The following SDC1 variants were observed in gnomAD, a reference collection of about 807,000 sequenced individuals.
SDC1 encodes the protein syndecan-1.
Under a neutral mutation model 29.7 loss-of-function variants are expected in SDC1, and 14 were observed. That is an observed-to-expected ratio of 0.47 (90% CI 0.31 to 0.74). SDC1 has a LOEUF of 0.74. Ranked by LOEUF, SDC1 falls within the 30% of genes least tolerant of loss-of-function variation. The probability of loss-of-function intolerance (pLI) is 0.05; values close to 1 mark genes in which losing one functional copy is unlikely to be tolerated. For synonymous variants in SDC1, 204 were observed against 175.5 expected, an observed-to-expected ratio of 1.16 and a Z score of -1.29; for missense variants, 406 against 400.3, an observed-to-expected ratio of 1.01 and a Z score of -0.12.
intron 1 of SDC1, among the ~76,000 whole-genome samples, chr2:20,210,434 A>G (rs1020565854): frequency 6.6e-6 from 1 of 152,198 alleles, no homozygotes; most frequent in African/African-American, 2.4e-5. Context: ...GCTGAAGTAC[A>G]GAGGGCTTCC....
At position 20,203,332 on chromosome 2, in the gene SDC1, C is replaced by T. The variant is rs577701619; in HGVS notation, c.628-110G>A. 49 of 1,313,808 alleles carry T rather than the reference C, an allele frequency of 3.7e-5. No individual in the cohort carries two copies. The South Asian group carries it at 7.6e-4, about 20-fold the overall frequency. The allele number at this position is 1,313,808 out of a possible 1,614,324, so 81.4% of individuals were successfully genotyped here. A position where few individuals can be genotyped will look rare whatever the true frequency, so the allele number is the denominator to read the frequency against. On this transcript the variant is annotated intron_variant, in intron 3 of 4. Coordinates refer to ENST00000254351, the MANE Select transcript of SDC1 (RefSeq NM_002997.5). ...CCTGCCTCCCTGATCTTTGCCACCACCCACTCAGATGCACCCAAACCAGGA... is the reference window on the plus strand; with the variant it reads ...CCTGCCTCCCTGATCTTTGCCACCATCCACTCAGATGCACCCAAACCAGGA...
At chr2:20,214,353 CAG>C (rs1677568292) in intron 1 of SDC1, among the ~76,000 whole-genome samples, 1 of 152,080 alleles carries the variant, frequency 6.6e-6, no homozygotes, top group South Asian at 2.1e-4. Flanking sequence ...CACGGGAAGG[CAG>C]AGTGTCCCTG....
chr2:20,210,099 C>T (rs916517320), intron 1 of SDC1, among the ~76,000 whole-genome samples: 14 of 152,314 alleles, frequency 9.2e-5, no homozygotes, highest in Middle Eastern at 3.4e-3. Flanking sequence ...CCCAGCACTT[C>T]GGGAGGCCGA....
At chr2:20,203,027 C>T in intron 4 of SDC1, 60 bp downstream of exon 4, 1 of 1,568,560 alleles carries the variant, frequency 6.4e-7, no homozygotes, top group Non-Finnish European at 8.7e-7. Flanking sequence ...CTGTGGTCAG[C>T]CCCACCCTGA....
At chr2:20,219,509 AC>A (rs1178111718) in intron 1 of SDC1, among the ~76,000 whole-genome samples, 1 of 152,130 alleles carries the variant, frequency 6.6e-6, no homozygotes, top group African/African-American at 2.4e-5. Flanking sequence ...TGCACCCCAA[AC>A]ATACCTCCTT....
chr2:20,211,698 T>C (rs1039161669), intron 1 of SDC1, among the ~76,000 whole-genome samples: 1 of 152,230 alleles, frequency 6.6e-6, no homozygotes, highest in Non-Finnish European at 1.5e-5. Context: ...GGACGAAGGC[T>C]GGGCCTGGAA....
chr2:20,223,749 C>A (rs999123244), intron 1 of SDC1, among the ~76,000 whole-genome samples: 1 of 152,228 alleles, frequency 6.6e-6, no homozygotes, highest in African/African-American at 2.4e-5. Context: ...GAACAAAGCG[C>A]CCCCATTGGG....
intron 1 of SDC1, chr2:20,207,804 A>G (rs375865759): frequency 7.3e-6 from 2 of 273,536 alleles, no homozygotes. Flanking sequence ...TGGTGCTTCA[A>G]ACACCTGTGC....
intron 1 of SDC1, among the ~76,000 whole-genome samples, chr2:20,212,465 C>T (rs1031097230): frequency 7.2e-5 from 11 of 152,162 alleles, no homozygotes; most frequent in Non-Finnish European, 1.6e-4. Flanking sequence ...GGCTGGTTTC[C>T]GAACTCAGGA....
At chr2:20,206,149 C>T (rs1215993780) in intron 1 of SDC1, among the ~76,000 whole-genome samples, 1 of 152,240 alleles carries the variant, frequency 6.6e-6, no homozygotes, top group African/African-American at 2.4e-5. Flanking sequence ...GAAGGAAGGA[C>T]AGGGTGTCCA....
chr2:20,215,960 T>C (rs986977338), intron 1 of SDC1, among the ~76,000 whole-genome samples: 22 of 152,204 alleles, frequency 1.4e-4, no homozygotes, highest in African/African-American at 5.3e-4. Context: ...CAGGCTCAGG[T>C]GACTGCCTTA....
chr2:20,223,286 GAA>G, intron 1 of SDC1: 2 of 1,180,938 alleles, frequency 1.7e-6, no homozygotes, highest in South Asian at 1.4e-5. Context: ...ACTCTGTAAA[GAA>G]AAAAAAAACC....
intron 1 of SDC1, among the ~76,000 whole-genome samples, chr2:20,220,367 A>ACG (rs1663951609): frequency 6.6e-6 from 1 of 152,072 alleles, no homozygotes; most frequent in Non-Finnish European, 1.5e-5. Context: ...ACATGCGCAC[A>ACG]CACACACACA....
chr2:20,223,340 T>G, intron 1 of SDC1: 1 of 1,255,374 alleles, frequency 8.0e-7, no homozygotes, highest in Non-Finnish European at 1.0e-6. Context: ...AGGCAACGCT[T>G]ACGGAGGGTC....
intron 1 of SDC1, among the ~76,000 whole-genome samples, chr2:20,213,980 C>T (rs893494798): frequency 2.5e-4 from 38 of 152,102 alleles, no homozygotes; most frequent in Admixed American, 2.5e-3. Context: ...GAAAACAAGT[C>T]CTCTGGGAAG....
chr2:20,212,345 G>T (rs1446029932), intron 1 of SDC1, among the ~76,000 whole-genome samples: 1 of 152,244 alleles, frequency 6.6e-6, no homozygotes, highest in African/African-American at 2.4e-5. Flanking sequence ...GGCCAAAATG[G>T]TGGGACTCGT....
intron 1 of SDC1, among the ~76,000 whole-genome samples, chr2:20,207,762 C>T (rs1179560834): frequency 6.6e-6 from 1 of 152,342 alleles, no homozygotes; most frequent in Non-Finnish European, 1.5e-5. Flanking sequence ...CGCCTCCACA[C>T]AAGGCCACAT....
chr2:20,215,261 C>A (rs376801464), intron 1 of SDC1, among the ~76,000 whole-genome samples: 1 of 152,234 alleles, frequency 6.6e-6, no homozygotes, highest in Non-Finnish European at 1.5e-5. Flanking sequence ...CAGGCCTGAG[C>A]CCCTGCCAGG....
chr2:20,223,220 C>T, intron 1 of SDC1: 1 of 1,298,508 alleles, frequency 7.7e-7, no homozygotes, highest in Non-Finnish European at 1.0e-6. Flanking sequence ...GCAGGGAGGG[C>T]GCTTTACACA....
Sources: allele counts gnomAD v4.1 joint callset (sites outside exome capture counted in the v4.1 genomes callset), GRCh38; gene constraint gnomAD v4.1.1; transcripts MANE v1.5; gene names NCBI Gene and HGNC (gene_info 2026-07-23, HGNC 2026-07-21).